Variants in FREM2 observed in about 807,000 individuals in gnomAD.
FREM2 encodes the protein FRAS1 related extracellular matrix 2.
Under a neutral mutation model 219.9 loss-of-function variants are expected in FREM2, and 119 were observed. The observed-to-expected ratio is 0.54, with a 90% CI of 0.47 to 0.63. The LOEUF is 0.63. FREM2 is among the 30% of genes least tolerant of loss of function. The probability of loss-of-function intolerance (pLI) is 0.00; values close to 1 mark genes in which losing one functional copy is unlikely to be tolerated. For missense variants in FREM2, 4,030 were observed against 3,993.6 expected (o/e 1.01, Z -0.25); for synonymous variants, 1,562 against 1,522.8 (o/e 1.03, Z -0.60).
chr13:38,740,120 T>C (rs763864341), intron 2 of FREM2, among the ~76,000 whole-genome samples: 1 of 152,180 alleles, frequency 6.6e-6, no homozygotes, highest in East Asian at 1.9e-4. Context: ...CTAAAGAAAC[T>C]TTGAGTTATG....
chr13:38,858,581 T>C (rs1877645028), intron 13 of FREM2, among the ~76,000 whole-genome samples: 1 of 152,202 alleles, frequency 6.6e-6, no homozygotes, highest in Non-Finnish European at 1.5e-5. Context: ...ATTTGCCTTT[T>C]CTTGACTCTA....
rs1878703508 is a variant in FREM2 at position 38,885,751 on chromosome 13, T to G, written c.*4964T>G. The stretch of plus-strand genomic sequence containing the variant: ...ATCAAAAGCATCATACTAAATAAAA[T>G]GATGACAATATGTGCCTTGATTTTT... On this transcript the variant is annotated 3_prime_UTR_variant, in exon 24 of 24. Coordinates refer to ENST00000280481, the MANE Select transcript of FREM2 (RefSeq NM_207361.6). 6.6e-6 allele frequency: 1 copy of G among 152,150 alleles called. No individual in the cohort carries two copies. The highest frequency in any genetic ancestry group is 1.5e-5 in the Non-Finnish European group (1 of 67,994). The allele number at this position is 152,150 out of a possible 1,614,324, so 9.4% of individuals were successfully genotyped here.
intron 3 of FREM2, among the ~76,000 whole-genome samples, chr13:38,764,942 G>A (rs1051607596): frequency 6.6e-6 from 1 of 152,102 alleles, no homozygotes; most frequent in Non-Finnish European, 1.5e-5. Flanking sequence ...ACGGAGGCTC[G>A]CTCTGTTGCC....
At chr13:38,723,035 A>C (rs1435997132) in intron 2 of FREM2, among the ~76,000 whole-genome samples, 4 of 152,014 alleles carry the variant, frequency 2.6e-5, no homozygotes, top group Non-Finnish European at 4.4e-5. Flanking sequence ...GTTCGAGGCC[A>C]GCCTGGTCAA....
rs540349990 is a variant in FREM2 at position 38,692,161 on chromosome 13, A to G, written c.4817A>G (p.His1606Arg). Reference protein sequence around the residue: ...DLNENLISYKHDGTESSEDSF... With the variant: ...DLNENLISYKRDGTESSEDSF... ...AATGAAAACTTAATCAGCTACAAAC[A>G]TGATGGCACTGAGTCAAGTGAAGAT... The change falls in exon 1 of 24, where the codon CAT becomes CGT. Residue 1606 changes from histidine to arginine, a missense_variant. Transcript: ENST00000280481. 4.3e-6 allele frequency: 7 copies of G among 1,614,186 alleles called. No homozygotes were observed. Among genetic ancestry groups the G allele is most frequent in the East Asian group, 2.2e-5 (1 of 44,878 alleles).
chr13:38,830,103 G>A (rs1377962384), intron 6 of FREM2, among the ~76,000 whole-genome samples: 2 of 152,072 alleles, frequency 1.3e-5, no homozygotes, highest in African/African-American at 4.8e-5. Context: ...TGTGAATAAA[G>A]CGTGTTGATA....
intron 6 of FREM2, among the ~76,000 whole-genome samples, chr13:38,806,088 G>A (rs2137856876): frequency 6.6e-6 from 1 of 151,016 alleles, no homozygotes; most frequent in Admixed American, 6.6e-5. Context: ...AGTGGGAGAG[G>A]GTAGGAAAAA....
intron 11 of FREM2, among the ~76,000 whole-genome samples, chr13:38,853,669 A>G (rs1289915118): frequency 6.6e-6 from 1 of 152,236 alleles, no homozygotes; most frequent in Non-Finnish European, 1.5e-5. Flanking sequence ...TAATTTGATG[A>G]ACTACTCTAG....
chr13:38,732,098 T>C (rs559073988), intron 2 of FREM2, among the ~76,000 whole-genome samples: 7 of 152,350 alleles, frequency 4.6e-5, no homozygotes, highest in Non-Finnish European at 8.8e-5. Context: ...ATTGTCTCTT[T>C]ACATTTGGAA....
chr13:38,700,520 C>A (rs575693539), intron 2 of FREM2, among the ~76,000 whole-genome samples: 4 of 152,070 alleles, frequency 2.6e-5, no homozygotes, highest in Non-Finnish European at 4.4e-5. Context: ...TCTTAGGGTT[C>A]TTTCAATTAG....
rs138283768 is a variant in FREM2, at chr13:38,691,138, A to T, written c.3794A>T (p.Tyr1265Phe). ...DQIIESSSII[Y>F]EHDDSETQED... ...ATCATAGAGAGTTCCAGCATTATTT[A>T]TGAGCATGATGACTCCGAGACCCAG... Residue 1265 changes from tyrosine to phenylalanine, a missense_variant, in exon 1 of 24, where the codon TAT becomes TTT. By Grantham distance (22) the Tyr-to-Phe change is conservative. Transcript: ENST00000280481. The T allele has an allele frequency of 1.9e-6, 3 of 1,614,096 alleles. No homozygotes were observed. The highest frequency in any genetic ancestry group is 2.2e-5 in the South Asian group (2 of 91,064).
At chr13:38,725,467 T>C (rs1871478631) in intron 2 of FREM2, among the ~76,000 whole-genome samples, 1 of 152,154 alleles carries the variant, frequency 6.6e-6, no homozygotes, top group Admixed American at 6.5e-5. Flanking sequence ...AAAGCGCCAG[T>C]TATGCTTTGT....
intron 6 of FREM2, among the ~76,000 whole-genome samples, chr13:38,810,651 A>G (rs921109362): frequency 3.3e-5 from 5 of 152,100 alleles, no homozygotes; most frequent in Admixed American, 1.3e-4. Context: ...CCATCCTTGC[A>G]TTCCTGGAAT....
intron 2 of FREM2, among the ~76,000 whole-genome samples, chr13:38,735,625 A>C (rs932309881): frequency 6.6e-6 from 1 of 152,220 alleles, no homozygotes; most frequent in Non-Finnish European, 1.5e-5. Context: ...CTACTTAAAA[A>C]AACGTAAATG....
In FREM2 at chr13:38,690,841, G is replaced by A. The variant is rs193921142; in HGVS notation, c.3497G>A (p.Arg1166His). Reference sequence around the variant, plus strand: ...CCTGTGGAGGACCGATTTGTATTTCGTTGTTCTGATGGCATTAACTTTTCA... The same window carrying A: ...CCTGTGGAGGACCGATTTGTATTTCATTGTTCTGATGGCATTAACTTTTCA... ...VEPVEDRFVF[R>H]CSDGINFSER... Residue 1166 changes from arginine to histidine, a missense_variant, in exon 1 of 24, where the codon CGT becomes CAT. By Grantham distance (29) the Arg-to-His change is conservative (BLOSUM62 0). Around this residue, in one of 2 missense-constraint regions of FREM2, gnomAD observed 3,102 missense variants for 2,950.7 expected, o/e 1.05. Coordinates refer to ENST00000280481, the MANE Select transcript of FREM2 (RefSeq NM_207361.6). The A allele has an allele frequency of 3.7e-6, 6 of 1,614,032 alleles. No homozygotes were observed. The highest frequency in any genetic ancestry group is 2.7e-5 in the African/African-American group (2 of 74,918).
At position 38,883,983 on chromosome 13, in the gene FREM2, T is replaced by C. The variant is rs1370964478; in HGVS notation, c.*3196T>C. 6.6e-6 allele frequency: 1 copy of C among 152,196 alleles called. No homozygotes were observed. The highest frequency in any genetic ancestry group is 1.5e-5 in the Non-Finnish European group (1 of 68,044). 9.4% of individuals were successfully genotyped at this position (152,196 alleles called of 1,614,324 possible). A position where few individuals can be genotyped will look rare whatever the true frequency, so the allele number is the denominator to read the frequency against. ...TGGGTGGGACTGCACATTCTTTTCCTCTTAGTAAAAGATAGGCCCACTTTA... is the reference window on the plus strand; with the variant it reads ...TGGGTGGGACTGCACATTCTTTTCCCCTTAGTAAAAGATAGGCCCACTTTA... On this transcript the variant is annotated 3_prime_UTR_variant, in exon 24 of 24. Coordinates refer to ENST00000280481, the MANE Select transcript of FREM2 (RefSeq NM_207361.6).
chr13:38,733,745 C>G (rs544018643), intron 2 of FREM2, among the ~76,000 whole-genome samples: 2 of 152,280 alleles, frequency 1.3e-5, no homozygotes, highest in South Asian at 4.2e-4. Context: ...TGGCCTCAAA[C>G]AATCCTCTTG....
intron 6 of FREM2, among the ~76,000 whole-genome samples, chr13:38,845,867 GC>G (rs1218587476): frequency 6.6e-6 from 1 of 152,050 alleles, no homozygotes; most frequent in Non-Finnish European, 1.5e-5. Flanking sequence ...AGACCCCAAA[GC>G]ATGTGCCCTA....
rs746309784 is a variant in FREM2, at chr13:38,880,728, A to G, written c.9451A>G (p.Ser3151Gly). The change falls in exon 24 of 24, where the codon AGC becomes GGC. Residue 3151 changes from serine to glycine, a missense_variant. Ser to Gly is a moderately conservative substitution (Grantham distance 56). This residue lies in a region of FREM2 where 928 missense variants were observed against 1,042.9 expected (regional missense o/e 0.89). Transcript: ENST00000280481. ...GGGGAAGGATGCCCCGAAAGGCTCC[A>G]GCAGCAGTGAGCCCATGGTGCCCCC... ...FRGKDAPKGS[S>G]SSEPMVPPQS... is the part of the protein sequence containing the mutation. 3 of 1,614,208 alleles carry G rather than the reference A, an allele frequency of 1.9e-6. No homozygotes were observed. Among genetic ancestry groups the G allele is most frequent in the Middle Eastern group, 3.3e-4 (2 of 6,062 alleles).
Sources: allele counts gnomAD v4.1 joint callset (sites outside exome capture counted in the v4.1 genomes callset), GRCh38; gene constraint gnomAD v4.1.1; regional missense constraint gnomAD v4.1.1; transcripts MANE v1.5; gene names NCBI Gene and HGNC (gene_info 2026-07-23, HGNC 2026-07-21).